DNAH14: variants seen among roughly 807,000 people sequenced by gnomAD.
The protein encoded by DNAH14 is dynein axonemal heavy chain 14.
DNAH14 carries 478 observed loss-of-function variants against 520.9 expected under a neutral mutation model. That is an observed-to-expected ratio of 0.92 (90% CI 0.85 to 0.99). The LOEUF (loss-of-function observed/expected upper bound fraction) is 0.99, where lower values mean the gene tolerates loss of function less well. DNAH14 is among the 50% of genes least tolerant of loss of function. The pLI is 0.00. For missense variants in DNAH14, 4,831 were observed against 5,234.5 expected, an observed-to-expected ratio of 0.92 and a Z score of 2.38; for synonymous variants, 1,581 against 1,757.2, an observed-to-expected ratio of 0.90 and a Z score of 2.51.
chr1:225,265,415 A>G (rs1166169580), intron 48 of DNAH14, 46 bp downstream of exon 48: 3 of 1,430,862 alleles, frequency 2.1e-6, no homozygotes, highest in South Asian at 3.0e-5. Context: ...TAGGCTAGTC[A>G]AGTGATAGTT....
intron 43 of DNAH14, among the ~76,000 whole-genome samples, chr1:225,247,783 T>C (rs991711306): frequency 6.6e-6 from 1 of 152,094 alleles, no homozygotes; most frequent in Non-Finnish European, 1.5e-5. Flanking sequence ...TCCCAGCACT[T>C]TGGGAGGCCG....
chr1:225,332,678 A>G (rs1286479008), intron 65 of DNAH14, among the ~76,000 whole-genome samples: 1 of 152,090 alleles, frequency 6.6e-6, no homozygotes, highest in African/African-American at 2.4e-5. Context: ...ATAGTATATT[A>G]TAATAAATGG....
chr1:224,960,101 T>G, intron 3 of DNAH14, 52 bp from the exon 4 acceptor site: 1 of 1,470,602 alleles, frequency 6.8e-7, no homozygotes, highest in Non-Finnish European at 9.1e-7. Flanking sequence ...ATTACTATGG[T>G]ATTATTTACA....
chr1:225,351,431 T>C (rs2150470654), intron 71 of DNAH14, among the ~76,000 whole-genome samples: 1 of 152,252 alleles, frequency 6.6e-6, no homozygotes, highest in South Asian at 2.1e-4. Flanking sequence ...TAAATTTACT[T>C]ATATTTTTAC....
intron 1 of DNAH14, among the ~76,000 whole-genome samples, 156 bp downstream of exon 1, chr1:224,929,991 G>T (rs1247812896): frequency 6.6e-6 from 1 of 152,118 alleles, no homozygotes; most frequent in East Asian, 1.9e-4. Context: ...GAGTCCCCGC[G>T]CGGAACCCTC....
At chr1:225,123,020 T>C (rs1382552006) in intron 26 of DNAH14, among the ~76,000 whole-genome samples, 1 of 152,158 alleles carries the variant, frequency 6.6e-6, no homozygotes, top group East Asian at 1.9e-4. Context: ...AAACTCCATA[T>C]GGAAAAAAAT....
chr1:224,934,301 C>T (rs1234815067), intron 1 of DNAH14, among the ~76,000 whole-genome samples: 1 of 151,746 alleles, frequency 6.6e-6, no homozygotes, highest in Non-Finnish European at 1.5e-5. Flanking sequence ...TAATTTAGGA[C>T]ATGAATGAGT....
At chr1:225,389,016 C>T (rs1474277285) in intron 82 of DNAH14, among the ~76,000 whole-genome samples, 1 of 152,180 alleles carries the variant, frequency 6.6e-6, no homozygotes, top group Non-Finnish European at 1.5e-5. Context: ...CCTTGGCCTC[C>T]CAAAGTGCAG....
At chr1:225,294,835 A>G (rs1249793077) in intron 55 of DNAH14, among the ~76,000 whole-genome samples, 4 of 107,366 alleles carry the variant, frequency 3.7e-5, no homozygotes, top group African/African-American at 1.4e-4. Context: ...AAAAAAAAAA[A>G]AAGTTGGTAG....
rs2072995398 is a variant in DNAH14 at position 225,080,486 on chromosome 1, A to G, written c.2874A>G (p.Ala958=). The G allele has an allele frequency of 1.9e-6, 3 of 1,551,832 alleles. No individual in the cohort carries two copies. The highest frequency in any genetic ancestry group is 4.9e-5 in the East Asian group (2 of 40,916). The change falls in exon 19 of 86, where the codon GCA becomes GCG. Residue 958 remains alanine, a synonymous_variant. Coordinates refer to ENST00000682510, the MANE Select transcript of DNAH14 (RefSeq NM_001367479.1). The stretch of plus-strand genomic sequence containing the variant: ...CAAGTTTAACTAACAAAGCTAAAGC[A>G]TATTCACATTATCAGGATTGTTTCA... ...EAASLTNKAK[A]YSHYQDCFSD... is the part of the protein sequence containing the mutation.
In DNAH14 at chr1:225,144,587, G is replaced by A; in HGVS notation, c.4699G>A (p.Ala1567Thr). ...TCTAGGAGGCTGTCCTGCCGGTCCA[G>A]CTGGTACAGGAAAAACTGAGACTGT... Reference protein sequence around the residue: ...LNLGGCPAGPAGTGKTETVKD... With the variant: ...LNLGGCPAGPTGTGKTETVKD... The change falls in exon 29 of 86, where the codon GCT (alanine) becomes ACT (threonine). Residue 1567 changes from alanine (A) to threonine (T), a missense_variant. Transcript: ENST00000682510. The A allele has an allele frequency of 1.9e-6, 3 of 1,551,474 alleles. No individual in the cohort carries two copies. The highest frequency in any genetic ancestry group is 1.2e-5 in the South Asian group (1 of 84,050).
chr1:225,219,386 T>TAA (rs796374571), intron 41 of DNAH14, among the ~76,000 whole-genome samples: 1 of 134,956 alleles, frequency 7.4e-6, no homozygotes, highest in Non-Finnish European at 1.6e-5. Context: ...GGAGCTGGTT[T>TAA]AAAAAAAAAA....
intron 10 of DNAH14, among the ~76,000 whole-genome samples, chr1:225,010,355 T>C (rs1317329066): frequency 1.3e-5 from 2 of 152,224 alleles, no homozygotes; most frequent in Non-Finnish European, 2.9e-5. Flanking sequence ...GAGATAATCA[T>C]GTGGATTTCA....
In DNAH14 at chr1:225,123,526, G is replaced by T; in HGVS notation, c.4167-1G>T. ...ACATAAATAAATTTTTTAATTTGTAGATTTTTAAGTCAAGGGATTGAAGAC... is the reference window on the plus strand; with the variant it reads ...ACATAAATAAATTTTTTAATTTGTATATTTTTAAGTCAAGGGATTGAAGAC... On this transcript the variant is annotated splice_acceptor_variant, in intron 26 of 85. Coordinates refer to ENST00000682510, the MANE Select transcript of DNAH14 (RefSeq NM_001367479.1). LOFTEE classifies it high-confidence loss of function. 2.4e-6 allele frequency: 1 copy of T among 411,434 alleles called. No homozygotes were observed. The highest frequency in any genetic ancestry group is 5.0e-6 in the Non-Finnish European group (1 of 198,854). The allele number at this position is 411,434 out of a possible 1,614,324, so 25.5% of individuals were successfully genotyped here.
At chr1:225,082,197 T>TGTGTGTGTGCGC (rs374597749) in intron 19 of DNAH14, among the ~76,000 whole-genome samples, 41 of 151,692 alleles carry the variant, frequency 2.7e-4, no homozygotes, top group African/African-American at 9.9e-4. Flanking sequence ...TGTGTGTGTG[T>TGTGTGTGTGCGC]GCACATGCGC....
chr1:225,334,596 A>G (rs1212770385), intron 66 of DNAH14, among the ~76,000 whole-genome samples: 1 of 152,172 alleles, frequency 6.6e-6, no homozygotes, highest in South Asian at 2.1e-4. Context: ...ACCCAAGAGT[A>G]AGATTAATTT....
chr1:225,017,711 C>G (rs1558693888), intron 10 of DNAH14, among the ~76,000 whole-genome samples: 1 of 152,210 alleles, frequency 6.6e-6, no homozygotes, highest in Non-Finnish European at 1.5e-5. Flanking sequence ...CCTCTCCAGC[C>G]CAGCTGGGGC....
intron 55 of DNAH14, among the ~76,000 whole-genome samples, chr1:225,295,034 A>T (rs991079535): frequency 6.6e-6 from 1 of 152,012 alleles, no homozygotes; most frequent in Non-Finnish European, 1.5e-5. Flanking sequence ...TAGGTTTTTG[A>T]ATTTATTGAT....
chr1:225,183,186 A>G (rs1036375157), intron 36 of DNAH14, among the ~76,000 whole-genome samples: 4 of 152,236 alleles, frequency 2.6e-5, no homozygotes, highest in African/African-American at 9.6e-5. Flanking sequence ...ATACTCCTGA[A>G]CAGTACTTCT....
Sources: allele counts gnomAD v4.1 joint callset (sites outside exome capture counted in the v4.1 genomes callset), GRCh38; gene constraint gnomAD v4.1.1; transcripts MANE v1.5; gene names NCBI Gene and HGNC (gene_info 2026-07-23, HGNC 2026-07-21).